Variants in OR3A2 observed in about 807,000 individuals in gnomAD.
The protein encoded by OR3A2 is olfactory receptor family 3 subfamily A member 2, also known as olfactory receptor 3A2.
For synonymous variants in OR3A2, 126 were observed against 159.3 expected (o/e 0.79, Z 1.57); for missense variants, 318 against 392.8 (o/e 0.81, Z 1.61).
At chr17:3,383,072 T>C (rs1366697075) in intron 2 of OR3A2, among the ~76,000 whole-genome samples, 4 of 152,126 alleles carry the variant, frequency 2.6e-5, no homozygotes, top group African/African-American at 7.2e-5. Context: ...GACCTAAAAA[T>C]ATGGCTCTAT....
chr17:3,382,245 A>G (rs1427052623), intron 2 of OR3A2, among the ~76,000 whole-genome samples: 1 of 152,208 alleles, frequency 6.6e-6, no homozygotes. Context: ...AGGCAACGGG[A>G]TATTTGTATG....
At chr17:3,308,428 G>A (rs1249481179) in intron 3 of OR3A2, among the ~76,000 whole-genome samples, 17 of 152,084 alleles carry the variant, frequency 1.1e-4, no homozygotes, top group Admixed American at 1.1e-3. Context: ...TACTCTCACA[G>A]CTTGGTCTCC....
intron 2 of OR3A2, among the ~76,000 whole-genome samples, chr17:3,380,108 T>G (rs1057335832): frequency 7.9e-5 from 12 of 152,078 alleles, no homozygotes. Flanking sequence ...CCAATCTTCC[T>G]CTCCAGGGCA....
At position 3,329,240 on chromosome 17, in the gene OR3A2, A is replaced by T. The variant is rs905604938; in HGVS notation, c.-85+6793T>A. On this transcript the variant is annotated intron_variant, in intron 3 of 4. Transcript: ENST00000573491. ...GCTGGCCTCATAAAATGAGTTAGGG[A>T]GGATTCCCTCTTTTTCTGTTGATTG... 4.6e-4 allele frequency among the ~76,000 whole-genome samples: 70 copies of T among 151,596 alleles called. 2 individuals carry two copies. Among genetic ancestry groups the T allele is most frequent in the Admixed American group, 1.6e-3 (24 of 15,176 alleles).
At chr17:3,286,597 G>A (rs1376907698), upstream of OR3A2, among the ~76,000 whole-genome samples, 1 of 152,048 alleles carries the variant, frequency 6.6e-6, no homozygotes, top group Non-Finnish European at 1.5e-5. Flanking sequence ...GTTGTTTCCT[G>A]ACTTTTTAAT....
intron 2 of OR3A2, among the ~76,000 whole-genome samples, chr17:3,364,651 G>A (rs1043782905): frequency 6.6e-6 from 1 of 152,170 alleles, no homozygotes; most frequent in Non-Finnish European, 1.5e-5. Context: ...ACCCTTGTAT[G>A]CTATTGGTAG....
intron 2 of OR3A2, among the ~76,000 whole-genome samples, chr17:3,357,282 C>G (rs2049471770): frequency 6.6e-6 from 1 of 151,610 alleles, no homozygotes; most frequent in Non-Finnish European, 1.5e-5. Flanking sequence ...TCTCAAAGGT[C>G]CCAGAATCTC....
At chr17:3,332,544 T>G (rs1197035752) in intron 3 of OR3A2, among the ~76,000 whole-genome samples, 3 of 152,204 alleles carry the variant, frequency 2.0e-5, no homozygotes, top group Non-Finnish European at 2.9e-5. Flanking sequence ...AGGCAATGCC[T>G]CGCCCTGCTT....
chr17:3,371,286 G>A (rs2049615707), intron 2 of OR3A2, among the ~76,000 whole-genome samples: 1 of 151,746 alleles, frequency 6.6e-6, no homozygotes, highest in Middle Eastern at 3.4e-3. Flanking sequence ...CGGCTGGCCG[G>A]GCAGAGGGGC....
chr17:3,350,148 CA>C (rs1303280355), intron 2 of OR3A2, among the ~76,000 whole-genome samples: 35 of 151,596 alleles, frequency 2.3e-4, no homozygotes, highest in Non-Finnish European at 4.1e-4. Context: ...CAAACACTTT[CA>C]AAAGCTAGCA....
intron 3 of OR3A2, among the ~76,000 whole-genome samples, chr17:3,301,519 A>T (rs1178780588): frequency 6.6e-6 from 1 of 152,108 alleles, no homozygotes; most frequent in Non-Finnish European, 1.5e-5. Context: ...CATATACTTC[A>T]CCCACTTTTT....
intron 3 of OR3A2, among the ~76,000 whole-genome samples, chr17:3,322,583 A>G (rs890651991): frequency 6.6e-6 from 1 of 152,068 alleles, no homozygotes; most frequent in Admixed American, 6.5e-5. Context: ...GTTTGATCCC[A>G]TTGGTTTCAA....
intron 3 of OR3A2, chr17:3,292,225 C>G: frequency 6.2e-7 from 1 of 1,614,072 alleles, no homozygotes; most frequent in Non-Finnish European, 8.5e-7. Context: ...TAGGCCATGG[C>G]GGTCAGCAGG....
chr17:3,308,081 A>AT, intron 3 of OR3A2, among the ~76,000 whole-genome samples: 1 of 152,280 alleles, frequency 6.6e-6, no homozygotes, highest in Non-Finnish European at 1.5e-5. Flanking sequence ...AAATGAATGA[A>AT]TTTTGCCATA....
Position 3,311,681 on chromosome 17 carries a change from G to A in OR3A2, c.-85+24352C>T, listed in dbSNP as rs1359663188. On this transcript the variant is annotated intron_variant, in intron 3 of 4. Coordinates refer to the OR3A2 transcript ENST00000573491. This position sits in a 1 kb window ranked among gnomAD's most constrained non-coding sequence, Gnocchi z 4.6. ...GTCACAGCTGCAATATTACAAATCC[G>A]CTCAGCTGAGGGGAGGAAGAAGGCT... is the stretch of plus-strand genomic sequence containing the variant. 12 of 278,442 alleles carry A rather than the reference G, an allele frequency of 4.3e-5. No homozygotes were observed. Among genetic ancestry groups the A allele is most frequent in the East Asian group, 2.4e-4 (3 of 12,508 alleles). The allele number at this position is 278,442 out of a possible 1,614,324, so 17.2% of individuals were successfully genotyped here.
chr17:3,353,912 C>CTTT (rs558898146), intron 2 of OR3A2, among the ~76,000 whole-genome samples: 291 of 120,946 alleles, frequency 2.4e-3, no homozygotes, highest in African/African-American at 7.6e-3. Flanking sequence ...CTTATTCATC[C>CTTT]ATTTTTTTTT....
At chr17:3,356,159 A>AT (rs1199699879) in intron 2 of OR3A2, among the ~76,000 whole-genome samples, 1 of 151,342 alleles carries the variant, frequency 6.6e-6, no homozygotes, top group Non-Finnish European at 1.5e-5. Context: ...CCACTTTGTA[A>AT]TTTTTTGTTG....
At chr17:3,285,445 G>A (rs1164848869), upstream of OR3A2, among the ~76,000 whole-genome samples, 1 of 152,114 alleles carries the variant, frequency 6.6e-6, no homozygotes, top group African/African-American at 2.4e-5. Context: ...CATTCATTAA[G>A]TTGCTAATAG....
chr17:3,322,812 T>C (rs1296812354), intron 3 of OR3A2, among the ~76,000 whole-genome samples: 5 of 152,162 alleles, frequency 3.3e-5, no homozygotes. Flanking sequence ...AATTTTCGAA[T>C]AGGTGTGGTG....
Sources: gnomAD v4.1 joint callset for allele counts (sites outside exome capture counted in the v4.1 genomes callset) on GRCh38, gnomAD v4.1.1 for gene constraint, Gnocchi (gnomAD v3.1) non-coding constraint, MANE v1.5 for transcripts, NCBI Gene and HGNC (gene_info 2026-07-23, HGNC 2026-07-21) for gene names.